The following CNTN1 variants were observed in gnomAD, a reference collection of about 807,000 sequenced individuals.
CNTN1 encodes contactin-1.
CNTN1 carries 38 observed loss-of-function variants against 126.4 expected under a neutral mutation model. The ratio of observed to expected loss-of-function variants is 0.30; its 90% CI spans 0.23 to 0.39. The LOEUF is 0.39. Ranked by LOEUF, CNTN1 falls within the 10% of genes least tolerant of loss-of-function variation. The pLI, the probability that CNTN1 is intolerant of heterozygous loss-of-function variation, is 1.00. For missense variants in CNTN1, 1,009 were observed against 1,248.4 expected, an observed-to-expected ratio of 0.81 and a Z score of 2.89; for synonymous variants, 413 against 422.6, an observed-to-expected ratio of 0.98 and a Z score of 0.28.
chr12:40,880,042 G>A (rs964239941), intron 1 of CNTN1, among the ~76,000 whole-genome samples: 2 of 151,902 alleles, frequency 1.3e-5, no homozygotes, highest in African/African-American at 4.8e-5. Flanking sequence ...CTGCTGCAAG[G>A]AATACAAAAT....
intron 15 of CNTN1, among the ~76,000 whole-genome samples, chr12:40,976,553 A>G (rs186120972): frequency 3.8e-4 from 58 of 152,198 alleles, no homozygotes; most frequent in Non-Finnish European, 6.8e-4. Flanking sequence ...GAAAAAAAAA[A>G]AAGAAAGAAA....
chr12:40,954,981 G>T (rs949494452), intron 14 of CNTN1, among the ~76,000 whole-genome samples: 2 of 152,022 alleles, frequency 1.3e-5, no homozygotes, highest in Non-Finnish European at 2.9e-5. Flanking sequence ...GTTAATCTCA[G>T]TCTCTAGGTT....
chr12:41,008,406 AT>A (rs35698304), intron 17 of CNTN1, among the ~76,000 whole-genome samples: 3,162 of 151,616 alleles, frequency 0.021, 121 homozygotes, highest in African/African-American at 0.072. Flanking sequence ...TAAAAGCAAC[AT>A]TTTTTTTTCT....
intron 1 of CNTN1, among the ~76,000 whole-genome samples, chr12:40,899,139 A>T (rs568890736): frequency 6.6e-6 from 1 of 152,338 alleles, no homozygotes; most frequent in African/African-American, 2.4e-5. Flanking sequence ...CTTATATGTG[A>T]GAGCAAAAGA....
intron 1 of CNTN1, among the ~76,000 whole-genome samples, chr12:40,816,753 C>A (rs1941268777): frequency 6.6e-6 from 1 of 152,022 alleles, no homozygotes; most frequent in Admixed American, 6.6e-5. Flanking sequence ...GATTTGAGAT[C>A]CTTTTAGCTT....
chr12:40,971,702 CT>C (rs1947517879), intron 15 of CNTN1: 10 of 1,375,422 alleles, frequency 7.3e-6, no homozygotes, highest in Non-Finnish European at 9.3e-6. Context: ...AACTATAATG[CT>C]TCACTAATAC....
At chr12:40,736,112 G>C (rs1937668502) in intron 1 of CNTN1, among the ~76,000 whole-genome samples, 1 of 152,004 alleles carries the variant, frequency 6.6e-6, no homozygotes, top group Admixed American at 6.6e-5. Context: ...CACTCTGTGA[G>C]CCAGGGCCAG....
intron 16 of CNTN1, among the ~76,000 whole-genome samples, chr12:40,986,560 G>T (rs1365370130): frequency 6.6e-6 from 1 of 152,126 alleles, no homozygotes; most frequent in Non-Finnish European, 1.5e-5. Flanking sequence ...GGCTCTTTCA[G>T]TTCCCCTGCT....
At chr12:40,756,316 CAG>C (rs762353575) in intron 1 of CNTN1, among the ~76,000 whole-genome samples, 1 of 151,958 alleles carries the variant, frequency 6.6e-6, no homozygotes, top group Non-Finnish European at 1.5e-5. Context: ...AGGCCATAGT[CAG>C]AGAGTACAGT....
rs12299083 is a variant in CNTN1 at position 40,999,948 on chromosome 12, C to T, written c.2113+6679C>T. On this transcript the variant is annotated intron_variant, in intron 17 of 23. Transcript: ENST00000551295. Reference sequence around the variant, plus strand: ...GTCTTGATCTCCTGACCTCGTGATCCGCCCGCCTCAGCCTCCCAAAGTGCT... The same window carrying T: ...GTCTTGATCTCCTGACCTCGTGATCTGCCCGCCTCAGCCTCCCAAAGTGCT... Among the ~76,000 whole-genome samples, 1,011 of 151,946 alleles carry T rather than the reference C, an allele frequency of 6.7e-3. 14 individuals carry two copies. Among genetic ancestry groups the T allele is most frequent in the African/African-American group, 0.022 (923 of 41,456 alleles).
intron 23 of CNTN1, among the ~76,000 whole-genome samples, chr12:41,052,771 A>G (rs906680391): frequency 5.3e-5 from 8 of 152,220 alleles, no homozygotes; most frequent in African/African-American, 1.7e-4. Context: ...GAAGACTTCA[A>G]TAGTAAATGT....
intron 15 of CNTN1, chr12:40,978,907 T>C (rs913495856): frequency 6.6e-6 from 1 of 152,196 alleles, no homozygotes; most frequent in African/African-American, 2.4e-5. Flanking sequence ...ACAGGGCTTT[T>C]TCTTCATTTG....
chr12:41,042,461 C>T (rs1949437691), intron 23 of CNTN1, among the ~76,000 whole-genome samples: 1 of 151,944 alleles, frequency 6.6e-6, no homozygotes, highest in Admixed American at 6.6e-5. Flanking sequence ...AGGTCAATTC[C>T]TGGGTATCCT....
At chr12:41,054,439 G>A (rs73126945) in intron 23 of CNTN1, among the ~76,000 whole-genome samples, 3,334 of 152,002 alleles carry the variant, frequency 0.022, 122 homozygotes, top group African/African-American at 0.076. Context: ...TACACAAGAT[G>A]AAAAATCATG....
rs139772671 is a variant in CNTN1, at chr12:40,731,229, G to A, written c.-77+38637G>A. ...ACAAAGGAGAAAAGAAATGTATAAT[G>A]TTAGAAATGGTGGTGGGAGGGATAT... On this transcript the variant is annotated intron_variant, in intron 1 of 23. Coordinates refer to ENST00000551295, the MANE Select transcript of CNTN1 (RefSeq NM_001843.4). Among the ~76,000 whole-genome samples the A allele has an allele frequency of 1.2e-3, 180 of 152,102 alleles. 1 individual carries two copies. The highest frequency in any genetic ancestry group is 4.1e-3 in the African/African-American group (170 of 41,526).
chr12:40,924,493 G>T, intron 5 of CNTN1, 64 bp from the exon 6 acceptor site: 1 of 883,330 alleles, frequency 1.1e-6, no homozygotes, highest in Non-Finnish European at 1.9e-6. Flanking sequence ...AGGTAAAATT[G>T]ATGAATGTCT....
chr12:40,942,316 T>A (rs1946288906), intron 12 of CNTN1, among the ~76,000 whole-genome samples: 1 of 152,062 alleles, frequency 6.6e-6, no homozygotes, highest in African/African-American at 2.4e-5. Flanking sequence ...GAGAGGAAGC[T>A]GGTGGAGGCT....
chr12:41,046,534 G>A (rs377703510), intron 23 of CNTN1, among the ~76,000 whole-genome samples: 2 of 152,038 alleles, frequency 1.3e-5, no homozygotes, highest in South Asian at 4.2e-4. Context: ...TTTTATAAAT[G>A]AATTTCAATA....
At chr12:40,925,215 C>G (rs1945599948) in intron 6 of CNTN1, among the ~76,000 whole-genome samples, 1 of 151,742 alleles carries the variant, frequency 6.6e-6, no homozygotes, top group African/African-American at 2.4e-5. Flanking sequence ...ATGGCTAAGA[C>G]AAAAGCCACC....
Sources: gnomAD v4.1 joint callset for allele counts (sites outside exome capture counted in the v4.1 genomes callset) on GRCh38, gnomAD v4.1.1 for gene constraint, MANE v1.5 for transcripts, NCBI Gene and HGNC (gene_info 2026-07-23, HGNC 2026-07-21) for gene names.